SULT1C2: variants seen among roughly 807,000 people sequenced by gnomAD.
The protein encoded by SULT1C2 is sulfotransferase 1C2.
Under a neutral mutation model 36.0 loss-of-function variants are expected in SULT1C2, and 27 were observed. The ratio of observed to expected loss-of-function variants is 0.75; its 90% CI spans 0.55 to 1.03. The LOEUF (loss-of-function observed/expected upper bound fraction) is 1.03, where lower values mean the gene tolerates loss of function less well. Among genes scored for constraint, SULT1C2 ranks in the 50% least tolerant of loss-of-function variants. The pLI is 0.00. For missense variants in SULT1C2, 395 were observed against 359.2 expected (o/e 1.10, Z -0.80); for synonymous variants, 121 against 116.0 (o/e 1.04, Z -0.27).
At chr2:108,289,587 G>C (rs1676541001) in intron 1 of SULT1C2, among the ~76,000 whole-genome samples, 1 of 152,180 alleles carries the variant, frequency 6.6e-6, no homozygotes, top group East Asian at 1.9e-4. Context: ...GATTACTTCT[G>C]TTTACAGAGT....
At chr2:108,304,304 C>G (rs1676964266) in intron 4 of SULT1C2, 2 of 289,458 alleles carry the variant, frequency 6.9e-6, no homozygotes, top group Admixed American at 4.8e-5. Flanking sequence ...AGATTTTGCT[C>G]CTGATACCAA....
rs368734300 is a variant in SULT1C2 at position 108,309,281 on chromosome 2, A to T, written c.*817A>T. On this transcript the variant is annotated 3_prime_UTR_variant, in exon 8 of 8. Coordinates refer to ENST00000251481, the MANE Select transcript of SULT1C2 (RefSeq NM_001056.4). ...TTCCCTTGCTTCCCATATTTGTCCC[A>T]GTTGCAGCCCTGTTGTTATGTATTT... is the stretch of plus-strand genomic sequence containing the variant. 4.1e-4 allele frequency: 63 copies of T among 152,314 alleles called. No individual in the cohort carries two copies. The highest frequency in any genetic ancestry group is 1.3e-3 in the Admixed American group (20 of 15,292). 9.4% of individuals were successfully genotyped at this position (152,314 alleles called of 1,614,324 possible).
At chr2:108,296,933 CCCTT>C (rs1285298757) in intron 3 of SULT1C2, among the ~76,000 whole-genome samples, 1 of 152,192 alleles carries the variant, frequency 6.6e-6, no homozygotes, top group East Asian at 1.9e-4. Flanking sequence ...TGGTCAGTCT[CCCTT>C]CCAGGCCCCC....
chr2:108,306,781 C>G (rs1253030677), intron 7 of SULT1C2, among the ~76,000 whole-genome samples: 1 of 152,002 alleles, frequency 6.6e-6, no homozygotes. Flanking sequence ...TGGTGCACGC[C>G]TGTAGTCCCA....
Position 108,305,537 on chromosome 2 carries a change from T to A in SULT1C2, c.720T>A (p.Asn240Lys). 1 of 1,614,196 alleles carries A rather than the reference T, an allele frequency of 6.2e-7. No homozygotes were observed. The highest frequency in any genetic ancestry group is 8.5e-7 in the Non-Finnish European group (1 of 1,180,028). The change falls in exon 7 of 8, where the codon AAT becomes AAA. Residue 240 changes from asparagine (N) to lysine (K), a missense_variant. Asn to Lys is a moderately conservative substitution (Grantham distance 94, BLOSUM62 0). Coordinates refer to ENST00000251481, the MANE Select transcript of SULT1C2 (RefSeq NM_001056.4). ...AAATGAAAGAAAATCCCATGACAAA[T>A]CGTTCTACAGTTTCCAAATCTATCT... is the stretch of plus-strand genomic sequence containing the variant. ...FEKMKENPMT[N>K]RSTVSKSILD... is the part of the protein sequence containing the mutation.
intron 2 of SULT1C2, among the ~76,000 whole-genome samples, 176 bp from the exon 3 acceptor site, chr2:108,294,053 C>T (rs904206924): frequency 1.3e-5 from 2 of 152,292 alleles, no homozygotes; most frequent in South Asian, 4.1e-4. Flanking sequence ...CCACTCCCTA[C>T]AGAGATCCAA....
At chr2:108,299,794 CATT>C (rs1249014815) in intron 3 of SULT1C2, 1 of 152,202 alleles carries the variant, frequency 6.6e-6, no homozygotes, top group Non-Finnish European at 1.5e-5. Context: ...TTCAAAATAA[CATT>C]ATTCACAATA....
intron 1 of SULT1C2, among the ~76,000 whole-genome samples, chr2:108,290,107 C>A (rs771575226): frequency 1.7e-4 from 26 of 152,118 alleles, no homozygotes; most frequent in Non-Finnish European, 3.5e-4. Context: ...AAGGCCAGAG[C>A]CCTAAGCTCA....
chr2:108,303,304 C>T (rs569651057), intron 4 of SULT1C2: 237 of 152,898 alleles, frequency 1.6e-3, no homozygotes, highest in Non-Finnish European at 2.7e-3. Flanking sequence ...GGAGGCATGG[C>T]ATGTCACACA....
chr2:108,289,296 T>C lies in SULT1C2; in HGVS notation c.-22+226T>C, dbSNP rs554593692. ...TCACCTCCAAAAGCTCTCTCTCCTG[T>C]AATACTATCTCTGTCTCCCACCCTG... On this transcript the variant is annotated intron_variant, in intron 1 of 7. Transcript: ENST00000251481. 4.1e-4 allele frequency among the ~76,000 whole-genome samples: 63 copies of C among 152,264 alleles called. 1 individual carries two copies. The highest frequency in any genetic ancestry group is 3.7e-3 in the Admixed American group (56 of 15,300).
intron 3 of SULT1C2, among the ~76,000 whole-genome samples, chr2:108,296,243 T>G (rs1365309248): frequency 6.6e-6 from 1 of 152,180 alleles, no homozygotes; most frequent in Non-Finnish European, 1.5e-5. Context: ...GTTCAATCAC[T>G]AAATCGGCAT....
At chr2:108,306,537 G>A (rs1677029910) in intron 7 of SULT1C2, among the ~76,000 whole-genome samples, 1 of 152,200 alleles carries the variant, frequency 6.6e-6, no homozygotes, top group Admixed American at 6.5e-5. Context: ...CCAGGATTTT[G>A]AGAATGCAGT....
At chr2:108,297,308 G>T (rs1456929059) in intron 3 of SULT1C2, among the ~76,000 whole-genome samples, 2 of 152,158 alleles carry the variant, frequency 1.3e-5, no homozygotes, top group Non-Finnish European at 2.9e-5. Context: ...CACCTGAAAT[G>T]ATAAACTGTT....
intron 4 of SULT1C2, chr2:108,301,180 AG>A: frequency 2.1e-6 from 1 of 486,080 alleles, no homozygotes; most frequent in Non-Finnish European, 3.6e-6. Context: ...GGAGGCAGTG[AG>A]TGCAGTAAGC....
rs917522072 is a variant in SULT1C2 at position 108,293,721 on chromosome 2, G to A, written c.54G>A (p.Gly18=). ...AGATAAAACTGAAAGAGGTGGAGGG[G>A]ACCCTCCTGCAGCCTGCAACTGTGG... ...GKQIKLKEVE[G]TLLQPATVDN... The change falls in exon 2 of 8, where the codon GGG becomes GGA. Residue 18 remains glycine (G), a synonymous_variant. Coordinates refer to ENST00000251481, the MANE Select transcript of SULT1C2 (RefSeq NM_001056.4). The A allele has an allele frequency of 2.5e-6, 4 of 1,613,950 alleles. No homozygotes were observed. The highest frequency in any genetic ancestry group is 3.4e-6 in the Non-Finnish European group (4 of 1,179,996).
chr2:108,302,777 T>C (rs1676916260), intron 4 of SULT1C2: 1 of 152,158 alleles, frequency 6.6e-6, no homozygotes, highest in South Asian at 2.1e-4. Context: ...CACAGAAATA[T>C]TAAGTAAATA....
chr2:108,293,903 AC>A, intron 2 of SULT1C2, 85 bp downstream of exon 2: 1 of 1,530,326 alleles, frequency 6.5e-7, no homozygotes, highest in Non-Finnish European at 8.8e-7. Flanking sequence ...TTCTTAGGAA[AC>A]CTGCTCCTTC....
chr2:108,308,932 T>G lies in SULT1C2; in HGVS notation c.*468T>G, dbSNP rs1467445664. The G allele has an allele frequency of 6.5e-6, 1 of 153,412 alleles. No individual in the cohort carries two copies. The highest frequency in any genetic ancestry group is 2.4e-5 in the African/African-American group (1 of 41,472). 9.5% of individuals were successfully genotyped at this position (153,412 alleles called of 1,614,324 possible). ...CTGGTCACTATCAGAAGGAACACTTTGAGGGAAACCCTGGTGCAGCCAGCC... is the reference window on the plus strand; with the variant it reads ...CTGGTCACTATCAGAAGGAACACTTGGAGGGAAACCCTGGTGCAGCCAGCC... On this transcript the variant is annotated 3_prime_UTR_variant, in exon 8 of 8. Transcript: ENST00000251481.
At chr2:108,302,800 A>G (rs1466006439) in intron 4 of SULT1C2, 2 of 152,224 alleles carry the variant, frequency 1.3e-5, no homozygotes, top group African/African-American at 2.4e-5. Context: ...TGGAATTTCT[A>G]TAACAAAAAA....
Sources: allele counts gnomAD v4.1 joint callset (sites outside exome capture counted in the v4.1 genomes callset), GRCh38; gene constraint gnomAD v4.1.1; transcripts MANE v1.5; gene names NCBI Gene and HGNC (gene_info 2026-07-23, HGNC 2026-07-21).